The following METTL8 variants were observed in gnomAD, a reference collection of about 807,000 sequenced individuals.
METTL8 encodes tRNA N(3)-cytidine methyltransferase METTL8, mitochondrial.
METTL8 carries 32 observed loss-of-function variants against 48.7 expected under a neutral mutation model. That is an observed-to-expected ratio of 0.66 (90% CI 0.50 to 0.88). METTL8 has a LOEUF of 0.88. Ranked by LOEUF, METTL8 falls within the 40% of genes least tolerant of loss-of-function variation. METTL8 has a pLI of 0.00. For synonymous variants in METTL8, 136 were observed against 157.1 expected (o/e 0.87, Z 1.01); for missense variants, 464 against 474.4 (o/e 0.98, Z 0.20).
rs138882943 is a variant in METTL8 at position 171,392,694 on chromosome 2, A to C, written c.-12-497T>G. Among the ~76,000 whole-genome samples, 19 of 152,338 alleles carry C rather than the reference A, an allele frequency of 1.2e-4. No homozygotes were observed. In the East Asian group the frequency reaches 3.3e-3, roughly 26 times the overall value. ...TGAATAATATGAAAATCAGTCAAAT[A>C]AATAAATATTAAGACAGAATCTTAG... On this transcript the variant is annotated intron_variant, in intron 1 of 9. Coordinates refer to ENST00000375258, the MANE Select transcript of METTL8 (RefSeq NM_001321154.2).
At chr2:171,355,750 C>T (rs578178349) in intron 3 of METTL8, among the ~76,000 whole-genome samples, 2 of 152,198 alleles carry the variant, frequency 1.3e-5, no homozygotes, top group South Asian at 2.1e-4. Context: ...GCTCCGTGGG[C>T]GTGGGACCCT....
rs1684466128 is a variant in METTL8 at position 171,320,340 on chromosome 2, G to A, written c.*3832C>T. On this transcript the variant is annotated 3_prime_UTR_variant, in exon 10 of 10. Transcript: ENST00000375258. The stretch of plus-strand genomic sequence containing the variant: ...GTTTGTGTCTCACAGTCCAAATTTG[G>A]TTGATGTATTTTTGAAGCTTCTAAA... The A allele has an allele frequency of 1.3e-5, 2 of 152,176 alleles. No individual in the cohort carries two copies. Among genetic ancestry groups the A allele is most frequent in the Admixed American group, 1.3e-4 (2 of 15,284 alleles). 9.4% of individuals were successfully genotyped at this position (152,176 alleles called of 1,614,324 possible).
At chr2:171,385,153 C>T (rs1031502684) in intron 2 of METTL8, among the ~76,000 whole-genome samples, 5 of 151,956 alleles carry the variant, frequency 3.3e-5, no homozygotes, top group Non-Finnish European at 7.4e-5. Context: ...TGGCTCATGC[C>T]TGTAATCCCA....
intron 2 of METTL8, chr2:171,375,350 T>G: frequency 3.0e-6 from 2 of 659,566 alleles, no homozygotes; most frequent in East Asian, 2.7e-5. Flanking sequence ...AGCATAGTGG[T>G]GAGTAAAAAC....
intron 2 of METTL8, among the ~76,000 whole-genome samples, chr2:171,383,821 T>G (rs370971822): frequency 2.0e-5 from 3 of 152,190 alleles, no homozygotes; most frequent in Non-Finnish European, 4.4e-5. Flanking sequence ...CTAAGTATAA[T>G]TAAAAGACAA....
intron 1 of METTL8, among the ~76,000 whole-genome samples, chr2:171,401,307 C>G (rs112302742): frequency 4.3e-4 from 65 of 152,206 alleles, no homozygotes; most frequent in African/African-American, 1.6e-3. Context: ...GCAATTTCAG[C>G]GAACTCAGAG....
Position 171,394,944 on chromosome 2 carries a change from C to T in METTL8, c.-12-2747G>A, listed in dbSNP as rs373418229. Among the ~76,000 whole-genome samples, 9 of 152,262 alleles carry T rather than the reference C, an allele frequency of 5.9e-5. No individual in the cohort carries two copies. In the East Asian group the frequency reaches 9.6e-4, roughly 16 times the overall value. On this transcript the variant is annotated intron_variant, in intron 1 of 9. Transcript: ENST00000375258. Reference sequence around the variant, plus strand: ...GAAGAATGTGACAATGTACAGGTAGCTATCCAATTAAATTAACTACGATGA... The same window carrying T: ...GAAGAATGTGACAATGTACAGGTAGTTATCCAATTAAATTAACTACGATGA...
At chr2:171,338,459 G>A (rs1158318016) in intron 4 of METTL8, among the ~76,000 whole-genome samples, 2 of 151,882 alleles carry the variant, frequency 1.3e-5, no homozygotes, top group African/African-American at 4.8e-5. Context: ...CCAACGTGGC[G>A]AAACCCTGTC....
At chr2:171,363,436 CAAAT>C (rs1685366458) in intron 2 of METTL8, among the ~76,000 whole-genome samples, 1 of 151,600 alleles carries the variant, frequency 6.6e-6, no homozygotes, top group South Asian at 2.1e-4. Context: ...AGCATAGAAA[CAAAT>C]AATAAACAAA....
chr2:171,389,875 T>C (rs1452124877), intron 2 of METTL8, among the ~76,000 whole-genome samples: 1 of 152,102 alleles, frequency 6.6e-6, no homozygotes, highest in Non-Finnish European at 1.5e-5. Flanking sequence ...AGATCACTGA[T>C]GAAGGTGGTT....
chr2:171,345,336 T>C (rs534891547), intron 3 of METTL8, among the ~76,000 whole-genome samples: 1 of 152,344 alleles, frequency 6.6e-6, no homozygotes, highest in East Asian at 1.9e-4. Context: ...ATATGATTAA[T>C]ATGAATTATG....
chr2:171,388,981 C>T (rs1688328511), intron 2 of METTL8, among the ~76,000 whole-genome samples: 1 of 152,182 alleles, frequency 6.6e-6, no homozygotes, highest in Admixed American at 6.5e-5. Flanking sequence ...CTATTTCCCT[C>T]TCCTCAGGTT....
At chr2:171,343,858 C>T (rs1012492932) in intron 3 of METTL8, among the ~76,000 whole-genome samples, 3 of 152,084 alleles carry the variant, frequency 2.0e-5, no homozygotes, top group Non-Finnish European at 2.9e-5. Flanking sequence ...ATCAGATTGC[C>T]GTTTTAAACA....
chr2:171,402,146 G>A (rs1689710237), intron 1 of METTL8, among the ~76,000 whole-genome samples: 2 of 152,152 alleles, frequency 1.3e-5, no homozygotes, highest in Non-Finnish European at 2.9e-5. Flanking sequence ...ATAGAAGAAT[G>A]AGTAACATTC....
intron 1 of METTL8, among the ~76,000 whole-genome samples, chr2:171,431,046 G>GA (rs1692959487): frequency 6.6e-6 from 1 of 152,154 alleles, no homozygotes; most frequent in Non-Finnish European, 1.5e-5. Flanking sequence ...TTGGGTGGGG[G>GA]ACCACCCTTG....
chr2:171,407,775 C>T (rs2105612254), intron 1 of METTL8, among the ~76,000 whole-genome samples: 1 of 152,326 alleles, frequency 6.6e-6, no homozygotes, highest in Middle Eastern at 3.4e-3. Flanking sequence ...TGTATAACTG[C>T]TACTTGATTT....
At chr2:171,423,613 G>A (rs1208506579) in intron 1 of METTL8, among the ~76,000 whole-genome samples, 2 of 152,184 alleles carry the variant, frequency 1.3e-5, no homozygotes, top group African/African-American at 4.8e-5. Flanking sequence ...TTCTTGCTAT[G>A]CAAAGATACT....
chr2:171,358,939 T>A (rs1684868513), intron 3 of METTL8, among the ~76,000 whole-genome samples: 1 of 152,026 alleles, frequency 6.6e-6, no homozygotes, highest in Admixed American at 6.6e-5. Context: ...GGATTAATAA[T>A]GGGAATATAT....
At chr2:171,384,969 A>C (rs1237487906) in intron 2 of METTL8, among the ~76,000 whole-genome samples, 2 of 152,130 alleles carry the variant, frequency 1.3e-5, no homozygotes, top group African/African-American at 4.8e-5. Flanking sequence ...GAGTATCTTT[A>C]TTTTTTCTTA....
Sources: allele counts gnomAD v4.1 joint callset (sites outside exome capture counted in the v4.1 genomes callset), GRCh38; gene constraint gnomAD v4.1.1; transcripts MANE v1.5; gene names NCBI Gene and HGNC (gene_info 2026-07-23, HGNC 2026-07-21).